The following ASCC2 variants were observed in gnomAD, a reference collection of about 807,000 sequenced individuals.
ASCC2 encodes the protein ASC-1 complex subunit P100.
ASCC2 carries 42 observed loss-of-function variants against 93.5 expected under a neutral mutation model. The ratio of observed to expected loss-of-function variants is 0.45; its 90% CI spans 0.35 to 0.58. The LOEUF (loss-of-function observed/expected upper bound fraction) is 0.58. ASCC2 is among the 20% of genes least tolerant of loss of function. ASCC2 has a pLI of 0.00. For missense variants in ASCC2, 859 were observed against 977.6 expected (o/e 0.88, Z 1.62); for synonymous variants, 364 against 384.2 (o/e 0.95, Z 0.62).
chr22:29,798,519 A>G (rs2058704700), intron 15 of ASCC2, among the ~76,000 whole-genome samples: 3 of 152,146 alleles, frequency 2.0e-5, no homozygotes, highest in African/African-American at 7.2e-5. Flanking sequence ...TACATTCTGG[A>G]TGATAGGTCA....
At chr22:29,800,864 G>T in intron 15 of ASCC2, 127 bp downstream of exon 15, 1 of 1,220,570 alleles carries the variant, frequency 8.2e-7, no homozygotes, top group Non-Finnish European at 1.1e-6. Context: ...CAGGTCTAGG[G>T]TTGTGAAGGG....
At chr22:29,797,537 G>A (rs1475065478) in intron 15 of ASCC2, among the ~76,000 whole-genome samples, 1 of 152,202 alleles carries the variant, frequency 6.6e-6, no homozygotes, top group Non-Finnish European at 1.5e-5. Context: ...CCTGGGCTGT[G>A]TGACCACAGG....
At chr22:29,793,735 G>A in intron 15 of ASCC2, 59 bp from the exon 16 acceptor site, 1 of 1,489,138 alleles carries the variant, frequency 6.7e-7, no homozygotes, top group African/African-American at 1.4e-5. Flanking sequence ...AGGCCGCAGG[G>A]TACGGAGGGT....
At position 29,793,595 on chromosome 22, in the gene ASCC2, G is replaced by A; in HGVS notation, c.1770C>T (p.Tyr590=). The change falls in exon 16 of 20, where the codon TAC becomes TAT. Residue 590 remains tyrosine (Y), a synonymous_variant. Coordinates refer to ENST00000307790, the MANE Select transcript of ASCC2 (RefSeq NM_032204.5). ...VAAQRQRYEQ[Y]SVVVEEVPLQ... ...GGCCTACCTCCTCCACCACCACGCT[G>A]TACTGCTCGTAGCGCTGCCGCTGTG... 1 of 1,611,536 alleles carries A rather than the reference G, an allele frequency of 6.2e-7. No individual in the cohort carries two copies.
chr22:29,817,309 C>T (rs1390447452), intron 5 of ASCC2, among the ~76,000 whole-genome samples: 1 of 152,120 alleles, frequency 6.6e-6, no homozygotes, highest in Admixed American at 6.5e-5. Context: ...AAACTCTGTT[C>T]TTCCTAAAAA....
intron 15 of ASCC2, among the ~76,000 whole-genome samples, chr22:29,797,303 C>T (rs1306901805): frequency 6.6e-6 from 1 of 152,184 alleles, no homozygotes; most frequent in Non-Finnish European, 1.5e-5. Flanking sequence ...CCTTCCTCAT[C>T]TCCTCAAGCC....
At chr22:29,821,289 A>G (rs1325197650) in intron 5 of ASCC2, among the ~76,000 whole-genome samples, 2 of 152,184 alleles carry the variant, frequency 1.3e-5, no homozygotes, top group Non-Finnish European at 1.5e-5. Flanking sequence ...AACCCAGAAG[A>G]GCCCTCTCTG....
intron 1 of ASCC2, among the ~76,000 whole-genome samples, chr22:29,837,223 G>A (rs1218045527): frequency 6.6e-6 from 1 of 150,868 alleles, no homozygotes; most frequent in South Asian, 2.1e-4. Context: ...GAGGCCAGGA[G>A]ATCGAGACCA....
At chr22:29,815,385 T>C (rs934887946) in intron 6 of ASCC2, 5 of 152,840 alleles carry the variant, frequency 3.3e-5, no homozygotes, top group African/African-American at 1.2e-4. Flanking sequence ...ACATTTAAGA[T>C]ATACTTTAGC....
chr22:29,823,855 A>C (rs2061921478), intron 4 of ASCC2, among the ~76,000 whole-genome samples: 1 of 151,320 alleles, frequency 6.6e-6, no homozygotes, highest in African/African-American at 2.4e-5. Context: ...CTCAAAAAAA[A>C]AAAAAAAGAA....
At chr22:29,796,172 G>A (rs1361017385) in intron 15 of ASCC2, among the ~76,000 whole-genome samples, 1 of 151,736 alleles carries the variant, frequency 6.6e-6, no homozygotes, top group Non-Finnish European at 1.5e-5. Flanking sequence ...GCAGTGGCGT[G>A]ATCTCAGCTC....
intron 9 of ASCC2, among the ~76,000 whole-genome samples, chr22:29,807,430 G>T (rs1330415968): frequency 6.6e-6 from 1 of 152,080 alleles, no homozygotes; most frequent in South Asian, 2.1e-4. Context: ...CAGTTCAAAC[G>T]GTGGGTCAGG....
At chr22:29,794,344 T>TA in intron 15 of ASCC2, among the ~76,000 whole-genome samples, 1 of 152,010 alleles carries the variant, frequency 6.6e-6, no homozygotes, top group African/African-American at 2.4e-5. Context: ...ATACAAAAAT[T>TA]AGCCGGGCAT....
intron 4 of ASCC2, among the ~76,000 whole-genome samples, chr22:29,824,650 G>T (rs2062050934): frequency 6.6e-6 from 1 of 151,962 alleles, no homozygotes; most frequent in African/African-American, 2.4e-5. Flanking sequence ...ACCTAACAGT[G>T]GTTATTTTGC....
intron 2 of ASCC2, among the ~76,000 whole-genome samples, chr22:29,826,825 C>G (rs1444322098): frequency 1.3e-5 from 2 of 152,038 alleles, no homozygotes; most frequent in Non-Finnish European, 2.9e-5. Context: ...AGGCCAGGCA[C>G]AGTGGCTCAT....
chr22:29,800,786 C>T (rs991605680), intron 15 of ASCC2, among the ~76,000 whole-genome samples: 1 of 152,188 alleles, frequency 6.6e-6, no homozygotes, highest in African/African-American at 2.4e-5. Context: ...CACTAACAGC[C>T]TCCCTGCACA....
Position 29,825,515 on chromosome 22 carries a change from A to C in ASCC2, c.240+107T>G. The C allele has an allele frequency of 1.3e-6, 2 of 1,487,786 alleles. No homozygotes were observed. Among genetic ancestry groups the C allele is most frequent in the Non-Finnish European group, 9.3e-7 (1 of 1,072,034 alleles). 92.2% of individuals were successfully genotyped at this position (1,487,786 alleles called of 1,614,324 possible). A position where few individuals can be genotyped will look rare whatever the true frequency, so the allele number is the denominator to read the frequency against. On this transcript the variant is annotated intron_variant, in intron 3 of 19. Transcript: ENST00000307790. The surrounding 1 kb of genome is among the most constrained non-coding windows in gnomAD (Gnocchi z 4.9). Reference sequence around the variant, plus strand: ...CAATTTGCTGTTAAGGATCCAGTGAAAGAAGTAGACAAAAAAGCACCTCCT... The same window carrying C: ...CAATTTGCTGTTAAGGATCCAGTGACAGAAGTAGACAAAAAAGCACCTCCT...
At position 29,808,495 on chromosome 22, in the gene ASCC2, C is replaced by G. The variant is rs148450219; in HGVS notation, c.834-310G>C. Among the ~76,000 whole-genome samples the G allele has an allele frequency of 4.5e-3, 680 of 152,252 alleles. 2 individuals are homozygous for G. The highest frequency in any genetic ancestry group is 6.6e-3 in the Non-Finnish European group (451 of 68,018). On this transcript the variant is annotated intron_variant, in intron 8 of 19. Transcript: ENST00000307790. ...CCCACTGAAGTTTGAGAAGCAGATC[C>G]AAGATTACTTGCTTGTAATTTTCTT... is the stretch of plus-strand genomic sequence containing the variant.
chr22:29,831,939 TG>T (rs1366767424), intron 2 of ASCC2, among the ~76,000 whole-genome samples: 1 of 152,216 alleles, frequency 6.6e-6, no homozygotes, highest in Non-Finnish European at 1.5e-5. Context: ...AACCCAGCTT[TG>T]GGCTGGATCC....
Sources: allele counts gnomAD v4.1 joint callset (sites outside exome capture counted in the v4.1 genomes callset), GRCh38; gene constraint gnomAD v4.1.1; non-coding constraint Gnocchi (gnomAD v3.1); transcripts MANE v1.5; gene names NCBI Gene and HGNC (gene_info 2026-07-23, HGNC 2026-07-21).